Variants in LYPLAL1 observed in about 807,000 individuals in gnomAD.
The protein encoded by LYPLAL1 is lysophospholipase-like protein 1.
LYPLAL1 carries 23 observed loss-of-function variants against 19.7 expected under a neutral mutation model. The observed-to-expected ratio is 1.17, with a 90% CI of 0.84 to 1.65. LYPLAL1 has a LOEUF of 1.65. LYPLAL1 is among the 40% of genes most tolerant of loss of function. The probability of loss-of-function intolerance (pLI) is 0.00; values close to 1 mark genes in which losing one functional copy is unlikely to be tolerated. For missense variants in LYPLAL1, 355 were observed against 279.4 expected, an observed-to-expected ratio of 1.27 and a Z score of -1.93; for synonymous variants, 119 against 96.3, an observed-to-expected ratio of 1.24 and a Z score of -1.38.
intron 3 of LYPLAL1, among the ~76,000 whole-genome samples, chr1:219,210,037 T>G (rs1193412856): frequency 6.6e-6 from 1 of 152,096 alleles, no homozygotes. Context: ...GTTAACTAGC[T>G]CCTCAAATTT....
chr1:219,280,290 T>C, the LYPLAL1 span, among the ~76,000 whole-genome samples: 1 of 152,214 alleles, frequency 6.6e-6, no homozygotes, highest in Non-Finnish European at 1.5e-5. Flanking sequence ...AGTTTTTTGA[T>C]GCCTAAAGAA....
the LYPLAL1 span, among the ~76,000 whole-genome samples, chr1:219,293,735 A>T: frequency 2.5e-4 from 38 of 152,342 alleles, no homozygotes; most frequent in African/African-American, 8.7e-4. Flanking sequence ...TGCGTATATT[A>T]AAAAATAGCT....
chr1:219,231,514 G>GTA, the LYPLAL1 span, among the ~76,000 whole-genome samples: 8 of 152,078 alleles, frequency 5.3e-5, no homozygotes, highest in Admixed American at 1.3e-4. Context: ...CATATATTGT[G>GTA]TATATATATG....
chr1:219,350,282 T>G, the LYPLAL1 span, among the ~76,000 whole-genome samples: 1 of 152,196 alleles, frequency 6.6e-6, no homozygotes, highest in East Asian at 1.9e-4. Flanking sequence ...TCTACAAGGT[T>G]GTTATTTTTT....
the LYPLAL1 span, among the ~76,000 whole-genome samples, chr1:219,267,197 A>G: frequency 1.6e-4 from 24 of 152,246 alleles, no homozygotes; most frequent in African/African-American, 2.6e-4. Context: ...TTGAGTGTCA[A>G]TCATTGAAGC....
At chr1:219,394,072 A>G in the LYPLAL1 span, among the ~76,000 whole-genome samples, 1 of 152,064 alleles carries the variant, frequency 6.6e-6, no homozygotes, top group African/African-American at 2.4e-5. Flanking sequence ...GGTTACAAAG[A>G]GTTAAAATTA....
chr1:219,393,511 A>G, the LYPLAL1 span, among the ~76,000 whole-genome samples: 2 of 152,172 alleles, frequency 1.3e-5, no homozygotes, highest in Non-Finnish European at 2.9e-5. Flanking sequence ...TGTGTCCAGT[A>G]TTCCAAATGC....
chr1:219,363,258 A>G, the LYPLAL1 span, among the ~76,000 whole-genome samples: 54 of 152,222 alleles, frequency 3.5e-4, no homozygotes, highest in African/African-American at 4.6e-4. Flanking sequence ...TTCATAATCA[A>G]TTATCTACTC....
Position 219,210,529 on chromosome 1 carries a change from T to A in LYPLAL1, c.362-3T>A. 1 of 1,571,594 alleles carries A rather than the reference T, an allele frequency of 6.4e-7. No individual in the cohort carries two copies. Among genetic ancestry groups the A allele is most frequent in the Admixed American group, 1.8e-5 (1 of 56,736 alleles). On this transcript the variant is annotated splice_polypyrimidine_tract_variant and splice_region_variant and intron_variant, in intron 3 of 4. Coordinates refer to ENST00000366928, the MANE Select transcript of LYPLAL1 (RefSeq NM_138794.5). The stretch of plus-strand genomic sequence containing the variant: ...CTACTTTTAAGTATGTTTTTGTTTT[T>A]AGGAGGATTCTCTATGGGAGGATGC...
chr1:219,411,448 T>C, the LYPLAL1 span, among the ~76,000 whole-genome samples: 1 of 152,106 alleles, frequency 6.6e-6, no homozygotes, highest in Admixed American at 6.5e-5. Context: ...CTAACTAATC[T>C]GATGGGGAGG....
the LYPLAL1 span, among the ~76,000 whole-genome samples, chr1:219,411,432 C>T: frequency 6.6e-6 from 1 of 152,106 alleles, no homozygotes; most frequent in Non-Finnish European, 1.5e-5. Context: ...TGTGGAAACT[C>T]TGTATCTAAC....
At chr1:219,291,875 C>G in the LYPLAL1 span, among the ~76,000 whole-genome samples, 2 of 143,582 alleles carry the variant, frequency 1.4e-5, no homozygotes, top group Non-Finnish European at 3.0e-5. Context: ...CAGGATAAAG[C>G]GGAATAAAGC....
the LYPLAL1 span, among the ~76,000 whole-genome samples, chr1:219,329,064 C>CT: frequency 3.9e-4 from 59 of 150,948 alleles, no homozygotes; most frequent in East Asian, 3.9e-3. Flanking sequence ...CTTTTATTCT[C>CT]TTTTTTTTCT....
chr1:219,415,851 G>A, the LYPLAL1 span, among the ~76,000 whole-genome samples: 1 of 152,276 alleles, frequency 6.6e-6, no homozygotes, highest in Non-Finnish European at 1.5e-5. Context: ...GTGCCCCTTG[G>A]CTTGCAGCTG....
chr1:219,331,480 C>G, the LYPLAL1 span, among the ~76,000 whole-genome samples: 1 of 152,174 alleles, frequency 6.6e-6, no homozygotes, highest in East Asian at 1.9e-4. Flanking sequence ...CTTCTTTGGA[C>G]TGGTGGACCA....
the LYPLAL1 span, among the ~76,000 whole-genome samples, chr1:219,339,200 T>G: frequency 6.6e-6 from 1 of 151,942 alleles, no homozygotes; most frequent in Non-Finnish European, 1.5e-5. Context: ...ATAGATGTCA[T>G]TGTTTGTCCC....
At chr1:219,280,801 A>C in the LYPLAL1 span, among the ~76,000 whole-genome samples, 1 of 152,126 alleles carries the variant, frequency 6.6e-6, no homozygotes. Flanking sequence ...TAATTCCAAC[A>C]CTTTGGGAGG....
the LYPLAL1 span, among the ~76,000 whole-genome samples, chr1:219,273,906 G>A: frequency 6.6e-6 from 1 of 152,108 alleles, no homozygotes; most frequent in Non-Finnish European, 1.5e-5. Context: ...GACTACAGGT[G>A]TGCACCATCA....
At chr1:219,356,060 C>T in the LYPLAL1 span, among the ~76,000 whole-genome samples, 1 of 151,922 alleles carries the variant, frequency 6.6e-6, no homozygotes, top group African/African-American at 2.4e-5. Flanking sequence ...GTCGTATTTA[C>T]CCCATATGAA....
Sources: gnomAD v4.1 joint callset for allele counts (sites outside exome capture counted in the v4.1 genomes callset) on GRCh38, gnomAD v4.1.1 for gene constraint, MANE v1.5 for transcripts, NCBI Gene and HGNC (gene_info 2026-07-23, HGNC 2026-07-21) for gene names.